PACRG: variants seen among roughly 807,000 people sequenced by gnomAD.
The protein encoded by PACRG is parkin coregulated gene protein.
A neutral mutation model predicts 29.7 loss-of-function variants in PACRG; 29 were observed. The observed-to-expected ratio is 0.98, with a 90% CI of 0.73 to 1.33. The LOEUF is 1.33. Among genes scored for constraint, PACRG ranks in the 40% most tolerant of loss-of-function variants. The pLI is 0.00. For missense variants in PACRG, 279 were observed against 316.2 expected, an observed-to-expected ratio of 0.88 and a Z score of 0.89; for synonymous variants, 116 against 118.7, an observed-to-expected ratio of 0.98 and a Z score of 0.15.
intron 2 of PACRG, among the ~76,000 whole-genome samples, chr6:163,038,188 C>T (rs1289211172): frequency 6.6e-6 from 1 of 152,164 alleles, no homozygotes; most frequent in African/African-American, 2.4e-5. Context: ...TAGGCTCCAA[C>T]ATGTACACCT....
chr6:162,788,916 G>C (rs1784722524), intron 1 of PACRG, among the ~76,000 whole-genome samples: 1 of 152,002 alleles, frequency 6.6e-6, no homozygotes, highest in Non-Finnish European at 1.5e-5. Flanking sequence ...TTTATTATGT[G>C]TATCATTTGT....
At chr6:163,163,791 G>A (rs1562945528) in intron 4 of PACRG, among the ~76,000 whole-genome samples, 1 of 152,118 alleles carries the variant, frequency 6.6e-6, no homozygotes, top group Non-Finnish European at 1.5e-5. Context: ...CCTTCAGTCT[G>A]AATTTCTTTT....
intron 2 of PACRG, among the ~76,000 whole-genome samples, chr6:163,040,345 G>A (rs1203071878): frequency 6.6e-6 from 1 of 152,240 alleles, no homozygotes; most frequent in African/African-American, 2.4e-5. Flanking sequence ...TGCTGCAAGG[G>A]CAGAGCCCTC....
At chr6:163,159,938 G>A (rs1299854233) in intron 4 of PACRG, among the ~76,000 whole-genome samples, 2 of 151,978 alleles carry the variant, frequency 1.3e-5, no homozygotes, top group South Asian at 2.1e-4. Context: ...GACAACCCAC[G>A]CTCAGCCCCA....
At chr6:163,001,249 C>A (rs1161931226) in intron 2 of PACRG, among the ~76,000 whole-genome samples, 1 of 152,206 alleles carries the variant, frequency 6.6e-6, no homozygotes, top group African/African-American at 2.4e-5. Context: ...GGAAATGGGT[C>A]TCCAGGAGGA....
intron 1 of PACRG, among the ~76,000 whole-genome samples, chr6:162,806,173 A>G (rs559584079): frequency 1.2e-4 from 18 of 151,610 alleles, no homozygotes; most frequent in Non-Finnish European, 2.4e-4. Context: ...CAATAGCACA[A>G]TCTCAGCTTA....
At chr6:162,947,311 A>ATATGATATAT (rs370888542) in intron 2 of PACRG, among the ~76,000 whole-genome samples, 4 of 90,722 alleles carry the variant, frequency 4.4e-5, no homozygotes, top group African/African-American at 1.3e-4. Context: ...TAATATATAT[A>ATATGATATAT]ATCATATATA....
intron 4 of PACRG, among the ~76,000 whole-genome samples, chr6:163,309,253 A>T (rs930361199): frequency 2.6e-5 from 4 of 152,220 alleles, no homozygotes; most frequent in Non-Finnish European, 4.4e-5. Flanking sequence ...CCCTAGACCG[A>T]TGGCGGTGCG....
intron 2 of PACRG, among the ~76,000 whole-genome samples, chr6:163,044,020 G>T (rs1377188617): frequency 6.6e-6 from 1 of 152,122 alleles, no homozygotes; most frequent in Non-Finnish European, 1.5e-5. Flanking sequence ...AAACTTTGAG[G>T]GCTGTCCTCA....
At chr6:163,296,335 G>A (rs993655217) in intron 4 of PACRG, among the ~76,000 whole-genome samples, 10 of 152,072 alleles carry the variant, frequency 6.6e-5, no homozygotes, top group Non-Finnish European at 1.5e-4. Context: ...CTGTCGCCCA[G>A]GCCAGGCTGG....
intron 2 of PACRG, among the ~76,000 whole-genome samples, chr6:162,953,045 C>T (rs557607724): frequency 6.6e-6 from 1 of 152,256 alleles, no homozygotes; most frequent in Non-Finnish European, 1.5e-5. Flanking sequence ...TTGCATTTAT[C>T]TACCTATTAT....
rs189349764 is a variant in PACRG, at chr6:163,161,781, C to T, written c.613+72373C>T. Among the ~76,000 whole-genome samples the T allele has an allele frequency of 3.8e-3, 585 of 152,196 alleles. 2 individuals are homozygous for T. The highest frequency in any genetic ancestry group is 0.013 in the African/African-American group (543 of 41,510). ...CATCGGGGTTCAAGTGAGTTCATTC[C>T]GTGGCTCCGTTGCACTACCCAGCAC... On this transcript the variant is annotated intron_variant, in intron 4 of 4. Coordinates refer to ENST00000366888, the MANE Select transcript of PACRG (RefSeq NM_001080379.2).
intron 4 of PACRG, among the ~76,000 whole-genome samples, chr6:163,092,492 T>C (rs1391023669): frequency 3.9e-5 from 6 of 152,190 alleles, no homozygotes; most frequent in African/African-American, 1.2e-4. Context: ...TATCCTCTTG[T>C]GTGTTCATAA....
intron 2 of PACRG, among the ~76,000 whole-genome samples, chr6:163,013,877 T>A (rs1805843830): frequency 6.7e-6 from 1 of 150,094 alleles, no homozygotes; most frequent in Admixed American, 6.6e-5. Flanking sequence ...TTTTTTTTTT[T>A]ACTTGACCAA....
At chr6:163,304,066 A>G (rs1785106256) in intron 4 of PACRG, among the ~76,000 whole-genome samples, 4 of 148,204 alleles carry the variant, frequency 2.7e-5, no homozygotes, top group South Asian at 4.2e-4. Context: ...ATTTTTCACT[A>G]TGAACAAAAA....
At chr6:162,958,623 A>T (rs1005763005) in intron 2 of PACRG, among the ~76,000 whole-genome samples, 2 of 151,822 alleles carry the variant, frequency 1.3e-5, no homozygotes, top group Non-Finnish European at 2.9e-5. Flanking sequence ...AATATGTTGG[A>T]CATTGACTTG....
chr6:162,905,141 G>A (rs183062430), intron 2 of PACRG, among the ~76,000 whole-genome samples: 5 of 152,278 alleles, frequency 3.3e-5, no homozygotes, highest in African/African-American at 7.2e-5. Flanking sequence ...TGGTGGCCTC[G>A]TTGCCTGACG....
At chr6:162,949,450 G>A (rs1799488038) in intron 2 of PACRG, among the ~76,000 whole-genome samples, 1 of 152,106 alleles carries the variant, frequency 6.6e-6, no homozygotes, top group South Asian at 2.1e-4. Context: ...GCAGAGTAGG[G>A]TGACTATAGT....
At chr6:162,900,282 G>A (rs929987598) in intron 2 of PACRG, among the ~76,000 whole-genome samples, 1 of 151,976 alleles carries the variant, frequency 6.6e-6, no homozygotes, top group Admixed American at 6.6e-5. Context: ...ACGTTCCCTC[G>A]CCCTGAGACA....
Sources: gnomAD v4.1 joint callset for allele counts (sites outside exome capture counted in the v4.1 genomes callset) on GRCh38, gnomAD v4.1.1 for gene constraint, MANE v1.5 for transcripts, NCBI Gene and HGNC (gene_info 2026-07-23, HGNC 2026-07-21) for gene names.